The following SERPINB1 variants were observed in gnomAD, a reference collection of about 807,000 sequenced individuals.
SERPINB1 encodes the protein leukocyte elastase inhibitor.
Under a neutral mutation model 25.9 loss-of-function variants are expected in SERPINB1, and 23 were observed. The ratio of observed to expected loss-of-function variants is 0.89; its 90% CI spans 0.64 to 1.26. The LOEUF (loss-of-function observed/expected upper bound fraction) is 1.26. SERPINB1 is among the 50% of genes most tolerant of loss of function. The pLI is 0.00. For synonymous variants in SERPINB1, 178 were observed against 178.7 expected (o/e 1.00, Z 0.03); for missense variants, 399 against 463.6 (o/e 0.86, Z 1.28).
At chr6:2,840,116 G>T (rs1766604220) in intron 2 of SERPINB1, among the ~76,000 whole-genome samples, 1 of 152,104 alleles carries the variant, frequency 6.6e-6, no homozygotes, top group African/African-American at 2.4e-5. Flanking sequence ...TGCCTTTCAG[G>T]AAAGCTGTCA....
rs758644015 is a variant in SERPINB1 at position 2,833,883 on chromosome 6, C to A, written c.865G>T (p.Ala289Ser). 1.2e-6 allele frequency: 2 copies of A among 1,614,126 alleles called. No homozygotes were observed. The highest frequency in any genetic ancestry group is 1.7e-6 in the Non-Finnish European group (2 of 1,180,024). ...AAGAGATCCTGCACACCTAGGCGGGCGAGGTCGGAGTTGAGAGTGTAACTC... is the reference window on the plus strand; with the variant it reads ...AAGAGATCCTGCACACCTAGGCGGGAGAGGTCGGAGTTGAGAGTGTAACTC... ...EESYTLNSDL[A>S]RLGVQDLFNS... Residue 289 changes from alanine to serine, a missense_variant, in exon 7 of 7, where the codon GCC becomes TCC. Physicochemically the swap from Ala to Ser is moderately conservative, Grantham distance 99. Coordinates refer to ENST00000380739, the MANE Select transcript of SERPINB1 (RefSeq NM_030666.4).
chr6:2,835,231 C>G (rs1440157669), intron 6 of SERPINB1, among the ~76,000 whole-genome samples: 4 of 152,124 alleles, frequency 2.6e-5, no homozygotes, highest in Non-Finnish European at 4.4e-5. Context: ...AGTAAATAGG[C>G]CTAACATGTC....
At position 2,839,769 on chromosome 6, in the gene SERPINB1, A is replaced by G. The variant is rs149727995; in HGVS notation, c.168+650T>C. On this transcript the variant is annotated intron_variant, in intron 2 of 6. Transcript: ENST00000380739. ...GTCCTCTCCATGTCCATTATGGACA[A>G]GAAGGAAGGCTGGGCATGAGAGTGA... 2.3e-3 allele frequency among the ~76,000 whole-genome samples: 354 copies of G among 152,322 alleles called. 1 individual carries two copies. Among genetic ancestry groups the G allele is most frequent in the African/African-American group, 8.4e-3 (348 of 41,572 alleles).
chr6:2,838,298 T>C (rs1472973357), intron 3 of SERPINB1, among the ~76,000 whole-genome samples: 2 of 152,230 alleles, frequency 1.3e-5, no homozygotes, highest in African/African-American at 4.8e-5. Context: ...CAAACACTGA[T>C]TGTACTCTTG....
chr6:2,835,806 GAC>G (rs1561935594), intron 6 of SERPINB1, 48 bp downstream of exon 6: 1 of 1,565,288 alleles, frequency 6.4e-7, no homozygotes. Flanking sequence ...CCTACCATGC[GAC>G]ACACACATGC....
Position 2,833,605 on chromosome 6 carries a change from C to G in SERPINB1, c.*3G>C. 1 of 1,599,020 alleles carries G rather than the reference C, an allele frequency of 6.3e-7. No individual in the cohort carries two copies. The highest frequency in any genetic ancestry group is 2.2e-5 in the East Asian group (1 of 44,710). ...ATTTTTGTATTGCTACAGTCTCTTT[C>G]TTCTAAGGGGAAGAAAATCTCCCCA... On this transcript the variant is annotated 3_prime_UTR_variant, in exon 7 of 7. Transcript: ENST00000380739.
intron 6 of SERPINB1, 49 bp from the exon 7 acceptor site, chr6:2,834,061 A>C: frequency 6.7e-7 from 1 of 1,494,620 alleles, no homozygotes; most frequent in African/African-American, 1.4e-5. Context: ...ATTTTACATA[A>C]GTAAGGCAAT....
intron 3 of SERPINB1, 72 bp from the exon 4 acceptor site, chr6:2,838,071 A>G (rs765066354): frequency 1.5e-5 from 15 of 1,032,754 alleles, no homozygotes; most frequent in African/African-American, 9.8e-5. Context: ...CTAAAATCCC[A>G]AAAAGCAACA....
At chr6:2,839,501 T>G (rs571609892) in intron 2 of SERPINB1, 9 of 724,132 alleles carry the variant, frequency 1.2e-5, no homozygotes, top group Admixed American at 8.4e-5. Flanking sequence ...TAACAGAGGT[T>G]TTTTTTTTTT....
rs752469820 is a variant in SERPINB1 at position 2,836,223 on chromosome 6, C to G, written c.452G>C (p.Gly151Ala). ...AAGTTTGGTCATGTTATCAACCATG[C>G]CCGAAGCCAACAGTTCCGGAATTTT... ...EGKIPELLAS[G>A]MVDNMTKLVL... The change falls in exon 5 of 7, where the codon GGC becomes GCC. Residue 151 changes from glycine to alanine, a missense_variant. Transcript: ENST00000380739. 1 of 1,603,584 alleles carries G rather than the reference C, an allele frequency of 6.2e-7. No homozygotes were observed. Among genetic ancestry groups the G allele is most frequent in the Non-Finnish European group, 8.5e-7 (1 of 1,177,252 alleles).
At position 2,836,229 on chromosome 6, in the gene SERPINB1, G is replaced by A. The variant is rs1191075713; in HGVS notation, c.446C>T (p.Ala149Val). ...QTEGKIPELL[A>V]SGMVDNMTKL... ...GGTCATGTTATCAACCATGCCCGAA[G>A]CCAACAGTTCCGGAATTTTTCCTAA... Residue 149 changes from alanine (A) to valine (V), a missense_variant, in exon 5 of 7, where the codon GCT becomes GTT. Coordinates refer to ENST00000380739, the MANE Select transcript of SERPINB1 (RefSeq NM_030666.4). 1 of 1,597,970 alleles carries A rather than the reference G, an allele frequency of 6.3e-7. No homozygotes were observed. Among genetic ancestry groups the A allele is most frequent in the Non-Finnish European group, 8.5e-7 (1 of 1,175,692 alleles).
In SERPINB1 at chr6:2,835,960, C is replaced by T; in HGVS notation, c.631G>A (p.Asp211Asn). 6.2e-7 allele frequency: 1 copy of T among 1,614,136 alleles called. No homozygotes were observed. The highest frequency in any genetic ancestry group is 8.5e-7 in the Non-Finnish European group (1 of 1,180,028). The change falls in exon 6 of 7, where the codon GAC (aspartate) becomes AAC (asparagine). Residue 211 changes from aspartate (D) to asparagine (N), a missense_variant. Physicochemically the swap from Asp to Asn is conservative, Grantham distance 23 (BLOSUM62 1). Coordinates refer to ENST00000380739, the MANE Select transcript of SERPINB1 (RefSeq NM_030666.4). ...AGTTCCAGCACACGGCACTTAAGGT[C>T]CTCGATGTAGCCATATGCAAATTTT... Reference protein sequence around the residue: ...KKKFAYGYIEDLKCRVLELPY... With the variant: ...KKKFAYGYIENLKCRVLELPY...
Position 2,834,015 on chromosome 6 carries a change from G to T in SERPINB1, c.736-3C>A. The stretch of plus-strand genomic sequence containing the variant: ...TCCAAAGTCAACTGTTCCTCAATCT[G>T]CAATTAAAAATGAGGCGAAAGAGGA... On this transcript the variant is annotated splice_polypyrimidine_tract_variant and splice_region_variant and intron_variant, in intron 6 of 6. Transcript: ENST00000380739. 6.3e-7 allele frequency: 1 copy of T among 1,581,866 alleles called. No individual in the cohort carries two copies. Among genetic ancestry groups the T allele is most frequent in the East Asian group, 2.3e-5 (1 of 44,410 alleles).
intron 6 of SERPINB1, 33 bp downstream of exon 6, chr6:2,835,823 G>A (rs1449294806): frequency 1.3e-6 from 2 of 1,588,224 alleles, no homozygotes; most frequent in Admixed American, 1.8e-5. Flanking sequence ...ACATGCAAGA[G>A]GAACCACAAA....
rs562065076 is a variant in SERPINB1, at chr6:2,833,403, T to C, written c.*205A>G. 10 of 486,224 alleles carry C rather than the reference T, an allele frequency of 2.1e-5. 1 individual carries two copies. The Admixed American group carries it at 3.8e-4, about 18-fold the overall frequency. 30.1% of individuals were successfully genotyped at this position (486,224 alleles called of 1,614,324 possible). On this transcript the variant is annotated 3_prime_UTR_variant, in exon 7 of 7. Coordinates refer to ENST00000380739, the MANE Select transcript of SERPINB1 (RefSeq NM_030666.4). ...TGCATTCAAAAGCAACCACTGGATTTTTTTCAATGTAAAAAAGAAAAATAG... is the reference window on the plus strand; with the variant it reads ...TGCATTCAAAAGCAACCACTGGATTCTTTTCAATGTAAAAAAGAAAAATAG...
Position 2,840,542 on chromosome 6 carries a change from C to G in SERPINB1, c.45G>C (p.Leu15=), listed in dbSNP as rs973050357. 1 of 1,614,144 alleles carries G rather than the reference C, an allele frequency of 6.2e-7. No individual in the cohort carries two copies. ...GATTGTTCTCACTCAACGCCAGGAA[C>G]AGGTCCAAGGCGAAGCGGGTGTTTG... ...SSANTRFALD[L]FLALSENNPA... Residue 15 remains leucine, a synonymous_variant, in exon 2 of 7, where the codon CTG becomes CTC. Coordinates refer to ENST00000380739, the MANE Select transcript of SERPINB1 (RefSeq NM_030666.4).
Position 2,836,099 on chromosome 6 carries a change from T to C in SERPINB1, c.567+9A>G. On this transcript the variant is annotated intron_variant, in intron 5 of 6. Transcript: ENST00000380739. ...CAATGCATGACTCTGTACAGTTACCTCACCTCACCTTATTCAATCTGAATG... is the reference window on the plus strand; with the variant it reads ...CAATGCATGACTCTGTACAGTTACCCCACCTCACCTTATTCAATCTGAATG... 1.2e-6 allele frequency: 2 copies of C among 1,613,102 alleles called. No homozygotes were observed. The highest frequency in any genetic ancestry group is 2.2e-5 in the South Asian group (2 of 91,016).
At chr6:2,839,763 T>C (rs1050004540) in intron 2 of SERPINB1, among the ~76,000 whole-genome samples, 5 of 152,202 alleles carry the variant, frequency 3.3e-5, no homozygotes, top group Non-Finnish European at 7.3e-5. Context: ...ATGTCCATTA[T>C]GGACAAGAAG....
intron 1 of SERPINB1, among the ~76,000 whole-genome samples, 172 bp from the exon 2 acceptor site, chr6:2,840,766 C>A (rs1766625601): frequency 6.6e-6 from 1 of 152,214 alleles, no homozygotes; most frequent in Non-Finnish European, 1.5e-5. Context: ...TTCCCAGGCC[C>A]ACAAATGTGG....
Sources: allele counts gnomAD v4.1 joint callset (sites outside exome capture counted in the v4.1 genomes callset), GRCh38; gene constraint gnomAD v4.1.1; transcripts MANE v1.5; gene names NCBI Gene and HGNC (gene_info 2026-07-23, HGNC 2026-07-21).